The following SCPEP1 variants were observed in gnomAD, a reference collection of about 807,000 sequenced individuals.
SCPEP1 encodes the protein retinoid-inducible serine carboxypeptidase.
SCPEP1 carries 51 observed loss-of-function variants against 63.8 expected under a neutral mutation model. The observed-to-expected ratio is 0.80, with a 90% confidence interval of 0.64 to 1.01. The LOEUF (loss-of-function observed/expected upper bound fraction) is 1.01. SCPEP1 is among the 50% of genes least tolerant of loss of function. The probability of loss-of-function intolerance (pLI) is 0.00; values close to 1 mark genes in which losing one functional copy is unlikely to be tolerated. For missense variants in SCPEP1, 499 were observed against 554.9 expected, an observed-to-expected ratio of 0.90 and a Z score of 1.01; for synonymous variants, 204 against 207.8, an observed-to-expected ratio of 0.98 and a Z score of 0.16.
intron 1 of SCPEP1, 28 bp downstream of exon 1, chr17:56,978,263 T>G: frequency 6.6e-7 from 1 of 1,512,818 alleles, no homozygotes; most frequent in South Asian, 1.2e-5. Context: ...GCGCACCAGC[T>G]GCCATGCCTC....
chr17:56,983,791 C>T (rs760539690), intron 2 of SCPEP1: 1 of 150,660 alleles, frequency 6.6e-6, no homozygotes, highest in Non-Finnish European at 1.5e-5. Flanking sequence ...GGCCCTCTTG[C>T]CGTTGCTAGT....
chr17:57,002,411 C>G (rs72842353), intron 12 of SCPEP1, among the ~76,000 whole-genome samples: 156 of 152,212 alleles, frequency 1.0e-3, no homozygotes, highest in Non-Finnish European at 1.8e-3. Flanking sequence ...GAAACCTTGT[C>G]TCTACAAAAA....
In SCPEP1 at chr17:57,004,758, A is replaced by G. The variant is rs1175031069; in HGVS notation, c.1297-1415A>G. On this transcript the variant is annotated intron_variant, in intron 12 of 12. Coordinates refer to ENST00000262288, the MANE Select transcript of SCPEP1 (RefSeq NM_021626.3). ...CAAAGTTTGTGTGCACTGAGTTATT[A>G]GAGAGCAAAGGGTGGCTATTTCAGC... Among the ~76,000 whole-genome samples, 4 of 152,246 alleles carry G rather than the reference A, an allele frequency of 2.6e-5. No individual in the cohort carries two copies. In the East Asian group the frequency reaches 5.8e-4, roughly 22 times the overall value.
At chr17:56,985,020 A>G (rs1442298481) in intron 2 of SCPEP1, 8 of 254,028 alleles carry the variant, frequency 3.1e-5, no homozygotes, top group African/African-American at 4.5e-5. Flanking sequence ...CGGGAGGATC[A>G]CTTGAACCCC....
chr17:57,001,086 T>A, intron 11 of SCPEP1, 94 bp downstream of exon 11: 1 of 1,327,690 alleles, frequency 7.5e-7, no homozygotes, highest in African/African-American at 1.4e-5. Context: ...CGGTGGGTGA[T>A]GTTGAAATGC....
At chr17:56,992,323 GT>G (rs1848024567) in intron 6 of SCPEP1, among the ~76,000 whole-genome samples, 2 of 152,066 alleles carry the variant, frequency 1.3e-5, no homozygotes, top group Admixed American at 1.3e-4. Flanking sequence ...ATAAAACTGA[GT>G]CAGCATGAAG....
chr17:57,004,173 G>T (rs887171490), intron 12 of SCPEP1, among the ~76,000 whole-genome samples: 1 of 152,026 alleles, frequency 6.6e-6, no homozygotes, highest in East Asian at 1.9e-4. Flanking sequence ...CATCCAGCTG[G>T]CGAGATAGCG....
Position 56,991,083 on chromosome 17 carries a change from T to G in SCPEP1, c.547-16T>G. ...ACTGCACCTGGCCTGAGGACGTTTC[T>G]TGTTTCCTCTTTCAGGCCATTCAGC... On this transcript the variant is annotated splice_polypyrimidine_tract_variant and intron_variant, in intron 5 of 12. Transcript: ENST00000262288. The G allele has an allele frequency of 6.2e-7, 1 of 1,609,788 alleles. No individual in the cohort carries two copies. Among genetic ancestry groups the G allele is most frequent in the Non-Finnish European group, 8.5e-7 (1 of 1,176,046 alleles).
Position 56,987,739 on chromosome 17 carries a change from T to C in SCPEP1, c.360T>C (p.Thr120=). Reference sequence around the variant, plus strand: ...TATTTGTGGATAATCCCGTGGGCACTGGGTTCAGTTATGTGAATGGTAGTG... The same window carrying C: ...TATTTGTGGATAATCCCGTGGGCACCGGGTTCAGTTATGTGAATGGTAGTG... ...SLLFVDNPVG[T]GFSYVNGSGA... Residue 120 remains threonine (T), a synonymous_variant, in exon 4 of 13, where the codon ACT becomes ACC. Coordinates refer to ENST00000262288, the MANE Select transcript of SCPEP1 (RefSeq NM_021626.3). 6.2e-7 allele frequency: 1 copy of C among 1,614,110 alleles called. No individual in the cohort carries two copies. The highest frequency in any genetic ancestry group is 8.5e-7 in the Non-Finnish European group (1 of 1,180,000).
chr17:56,987,999 G>A, intron 4 of SCPEP1, 149 bp downstream of exon 4: 1 of 965,932 alleles, frequency 1.0e-6, no homozygotes, highest in Non-Finnish European at 1.5e-6. Context: ...GTGGACTTTT[G>A]TTTCTGTCAT....
chr17:56,993,716 G>A (rs946603948), intron 6 of SCPEP1, among the ~76,000 whole-genome samples: 1 of 152,142 alleles, frequency 6.6e-6, no homozygotes, highest in African/African-American at 2.4e-5. Flanking sequence ...CAAAGTGCTG[G>A]GATTACAGGC....
chr17:57,005,553 A>T (rs769063606), intron 12 of SCPEP1, among the ~76,000 whole-genome samples: 6 of 152,116 alleles, frequency 3.9e-5, no homozygotes, highest in Non-Finnish European at 7.4e-5. Context: ...GGAATTACAT[A>T]ACGGGGAGAC....
At position 56,996,948 on chromosome 17, in the gene SCPEP1, C is replaced by A. The variant is rs769011264; in HGVS notation, c.787-14C>A. The A allele has an allele frequency of 1.3e-6, 2 of 1,576,538 alleles. No homozygotes were observed. The highest frequency in any genetic ancestry group is 1.8e-5 in the Admixed American group (1 of 55,144). ...AAAATGAAACAAACAGCCAAATAAA[C>A]TTTTATATTTCAGAACACAGATGGG... On this transcript the variant is annotated splice_polypyrimidine_tract_variant and intron_variant, in intron 8 of 12. Coordinates refer to ENST00000262288, the MANE Select transcript of SCPEP1 (RefSeq NM_021626.3).
intron 5 of SCPEP1, 119 bp downstream of exon 5, chr17:56,988,409 T>A: frequency 1.5e-6 from 1 of 675,152 alleles, no homozygotes; most frequent in Non-Finnish European, 2.4e-6. Context: ...AGAGTACGAT[T>A]AAATCTGTAG....
intron 3 of SCPEP1, among the ~76,000 whole-genome samples, chr17:56,986,588 C>T (rs1412398102): frequency 2.0e-5 from 3 of 150,018 alleles, no homozygotes; most frequent in African/African-American, 7.4e-5. Flanking sequence ...CTCTTTCGCC[C>T]AGGCCAGAGT....
intron 2 of SCPEP1, chr17:56,984,058 G>GC (rs11413461): frequency 1 from 152,287 of 152,288 alleles, 76,143 homozygotes; most frequent in Middle Eastern, 1. Flanking sequence ...ACAGGCGCAC[G>GC]CACCACACCC....
At chr17:56,988,975 C>A (rs2144485662) in intron 5 of SCPEP1, among the ~76,000 whole-genome samples, 1 of 152,008 alleles carries the variant, frequency 6.6e-6, no homozygotes, top group Non-Finnish European at 1.5e-5. Flanking sequence ...CTGCTTGTGA[C>A]CAGGAGTTCC....
chr17:56,995,115 T>A, intron 7 of SCPEP1, 97 bp downstream of exon 7: 1 of 1,120,996 alleles, frequency 8.9e-7, no homozygotes, highest in Non-Finnish European at 1.3e-6. Context: ...AGTTTGCCTA[T>A]GTGGTTGACA....
At chr17:56,996,487 G>A (rs1185706919) in intron 8 of SCPEP1, among the ~76,000 whole-genome samples, 1 of 151,726 alleles carries the variant, frequency 6.6e-6, no homozygotes, top group East Asian at 1.9e-4. Flanking sequence ...TTATAGGCGT[G>A]AGCCACCGCG....
Sources: allele counts gnomAD v4.1 joint callset (sites outside exome capture counted in the v4.1 genomes callset), GRCh38; gene constraint gnomAD v4.1.1; transcripts MANE v1.5; gene names NCBI Gene and HGNC (gene_info 2026-07-23, HGNC 2026-07-21).